Variants in IL21R observed in about 807,000 individuals in gnomAD.
IL21R encodes interleukin-21 receptor.
Under a neutral mutation model 41.3 loss-of-function variants are expected in IL21R, and 14 were observed. The ratio of observed to expected loss-of-function variants is 0.34; its 90% CI spans 0.22 to 0.53. The LOEUF (loss-of-function observed/expected upper bound fraction) is 0.53, where lower values mean the gene tolerates loss of function less well. IL21R is among the 20% of genes least tolerant of loss of function. The pLI is 0.94. For synonymous variants in IL21R, 286 were observed against 287.6 expected (o/e 0.99, Z 0.05); for missense variants, 588 against 681.6 (o/e 0.86, Z 1.53).
rs2087446515 is a variant in IL21R at position 27,444,651 on chromosome 16, C to A, written c.617C>A (p.Pro206His). ...CTGCAGGTGCGGGCAGGGCCCATGC[C>A]TGGCTCCTCCTACCAGGGGACCTGG... ...YELQVRAGPM[P>H]GSSYQGTWSE... The change falls in exon 6 of 9, where the codon CCT becomes CAT. Residue 206 changes from proline (P) to histidine (H), a missense_variant. Transcript: ENST00000337929. 1 of 1,582,120 alleles carries A rather than the reference C, an allele frequency of 6.3e-7. No individual in the cohort carries two copies.
At position 27,429,952 on chromosome 16, in the gene IL21R, T is replaced by G. The variant is rs993439140; in HGVS notation, c.-16-104T>G. ...GATCTTGCATTTTTCTTAAGACAGT[T>G]CCAAGAATCAGGGGCAAGTCTGCCT... is the stretch of plus-strand genomic sequence containing the variant. On this transcript the variant is annotated intron_variant, in intron 1 of 8. Transcript: ENST00000337929. 3.1e-6 allele frequency: 3 copies of G among 958,522 alleles called. No homozygotes were observed. The African/African-American group carries it at 4.9e-5, about 16-fold the overall frequency. 59.4% of individuals were successfully genotyped at this position (958,522 alleles called of 1,614,324 possible).
At chr16:27,434,147 G>A (rs1236442412) in intron 2 of IL21R, among the ~76,000 whole-genome samples, 200 bp from the exon 3 acceptor site, 1 of 149,468 alleles carries the variant, frequency 6.7e-6, no homozygotes, top group Non-Finnish European at 1.5e-5. Flanking sequence ...TTGAAACATT[G>A]GTGCTCAAAC....
intron 1 of IL21R, among the ~76,000 whole-genome samples, chr16:27,406,606 C>T (rs61307071): frequency 0.048 from 7,287 of 152,000 alleles, 319 homozygotes; most frequent in African/African-American, 0.11. Flanking sequence ...CTCTCACCTT[C>T]GTCTTCTACT....
chr16:27,424,534 T>C (rs960343806), intron 1 of IL21R, among the ~76,000 whole-genome samples: 4 of 151,922 alleles, frequency 2.6e-5, no homozygotes, highest in Non-Finnish European at 5.9e-5. Context: ...GGTGGATAAA[T>C]GCACCTACAG....
Position 27,450,572 on chromosome 16 carries a change from TTTTC to T in IL21R, c.*1293_*1296del, listed in dbSNP as rs2087575352. On this transcript the variant is annotated 3_prime_UTR_variant, in exon 9 of 9. Transcript: ENST00000337929. ...GCTAAGAAAATATTTCTTAGCAACA[TTTTC>T]TTTTTCTTTTTTTTTTTTTTCTTTT... 1 of 216,608 alleles carries T rather than the reference TTTTC, an allele frequency of 4.6e-6. No individual in the cohort carries two copies. Among genetic ancestry groups the T allele is most frequent in the Non-Finnish European group, 9.1e-6 (1 of 109,550 alleles). The allele number at this position is 216,608 out of a possible 1,614,324, so 13.4% of individuals were successfully genotyped here.
chr16:27,417,956 T>A (rs1876194585), intron 1 of IL21R, among the ~76,000 whole-genome samples: 1 of 152,116 alleles, frequency 6.6e-6, no homozygotes, highest in Non-Finnish European at 1.5e-5. Flanking sequence ...TAAATTTATT[T>A]GAATTTTTAA....
chr16:27,415,108 T>C (rs2086878337), intron 1 of IL21R, among the ~76,000 whole-genome samples: 1 of 152,196 alleles, frequency 6.6e-6, no homozygotes, highest in Admixed American at 6.5e-5. Flanking sequence ...AAAAAATTCA[T>C]CTTGTTCATG....
Position 27,442,891 on chromosome 16 carries a change from C to T in IL21R, c.353-71C>T, listed in dbSNP as rs140394046. Reference sequence around the variant, plus strand: ...GGGGTGGGGGCAGGCAGGACTTCCTCCCATCACCAAATCCTTTTCACCTGC... The same window carrying T: ...GGGGTGGGGGCAGGCAGGACTTCCTTCCATCACCAAATCCTTTTCACCTGC... On this transcript the variant is annotated intron_variant, in intron 4 of 8. Coordinates refer to ENST00000337929, the MANE Select transcript of IL21R (RefSeq NM_181078.3). 207 of 1,414,762 alleles carry T rather than the reference C, an allele frequency of 1.5e-4. No homozygotes were observed. In the Middle Eastern group the frequency reaches 2.7e-3, roughly 19 times the overall value. The allele number at this position is 1,414,762 out of a possible 1,614,324, so 87.6% of individuals were successfully genotyped here.
At chr16:27,426,357 A>T (rs1317536183) in intron 1 of IL21R, among the ~76,000 whole-genome samples, 2 of 152,250 alleles carry the variant, frequency 1.3e-5, no homozygotes, top group African/African-American at 4.8e-5. Context: ...GAGGCAAGGT[A>T]AAGATCAATA....
chr16:27,438,973 G>T lies in IL21R; in HGVS notation c.352+1286G>T, dbSNP rs974610449. ...GTGTGTGTATGTGTGTACCCAAAGC[G>T]GCCCCAGAGGCAAACACAGGCTGCA... is the stretch of plus-strand genomic sequence containing the variant. On this transcript the variant is annotated intron_variant, in intron 4 of 8. Transcript: ENST00000337929. Among the ~76,000 whole-genome samples, 81 of 151,990 alleles carry T rather than the reference G, an allele frequency of 5.3e-4. 1 individual carries two copies. Among genetic ancestry groups the T allele is most frequent in the African/African-American group, 1.9e-3 (80 of 41,424 alleles).
intron 4 of IL21R, among the ~76,000 whole-genome samples, chr16:27,440,244 T>TAGAGAG (rs1443830356): frequency 2.2e-3 from 184 of 82,540 alleles, no homozygotes; most frequent in African/African-American, 8.0e-3. Context: ...TATATATATA[T>TAGAGAG]ATATAGAGAG....
intron 4 of IL21R, among the ~76,000 whole-genome samples, chr16:27,440,936 AGCTACTTGG>A (rs2087377101): frequency 6.6e-6 from 1 of 151,452 alleles, no homozygotes; most frequent in Admixed American, 6.6e-5. Flanking sequence ...CTATGGTCCC[AGCTACTTGG>A]GAGGCTGAGG....
chr16:27,419,661 CAA>C (rs1396277234), intron 1 of IL21R, among the ~76,000 whole-genome samples: 9 of 152,146 alleles, frequency 5.9e-5, no homozygotes, highest in Non-Finnish European at 1.3e-4. Flanking sequence ...CTCCTGACCT[CAA>C]GTGATCTGCC....
chr16:27,445,053 A>G lies in IL21R; in HGVS notation c.686-124A>G, dbSNP rs2087454345. The G allele has an allele frequency of 4.3e-6, 3 of 692,462 alleles. No homozygotes were observed. The Admixed American group carries it at 7.0e-5, about 16-fold the overall frequency. The allele number at this position is 692,462 out of a possible 1,614,324, so 42.9% of individuals were successfully genotyped here. ...ACCCAGATCCATCTCACTTCAAGAC[A>G]CTAGCAGTAACAGCCTCTCCTACCC... On this transcript the variant is annotated intron_variant, in intron 6 of 8. Transcript: ENST00000337929.
chr16:27,435,402 A>G (rs2087250856), intron 3 of IL21R, among the ~76,000 whole-genome samples: 1 of 152,182 alleles, frequency 6.6e-6, no homozygotes, highest in South Asian at 2.1e-4. Flanking sequence ...GGGGAGACAG[A>G]CACACAAAAC....
chr16:27,426,028 C>T (rs1311850019), intron 1 of IL21R, among the ~76,000 whole-genome samples: 1 of 152,192 alleles, frequency 6.6e-6, no homozygotes, highest in Non-Finnish European at 1.5e-5. Flanking sequence ...TTAAGTAACA[C>T]TTATATAATA....
Position 27,451,573 on chromosome 16 carries a change from G to A in IL21R, c.*2290G>A, listed in dbSNP as rs1035928065. On this transcript the variant is annotated 3_prime_UTR_variant, in exon 9 of 9. Transcript: ENST00000337929. ...AAATTATTATTTTTTAAAAAAATTA[G>A]CCAGGTGTGGTGGTGCTTGCCTATA... is the stretch of plus-strand genomic sequence containing the variant. 2 of 210,708 alleles carry A rather than the reference G, an allele frequency of 9.5e-6. No homozygotes were observed. The highest frequency in any genetic ancestry group is 4.5e-5 in the African/African-American group (2 of 43,994). 13.1% of individuals were successfully genotyped at this position (210,708 alleles called of 1,614,324 possible).
chr16:27,417,163 C>CT (rs577149386), intron 1 of IL21R, among the ~76,000 whole-genome samples: 68,857 of 126,332 alleles, frequency 0.55, 19,415 homozygotes, highest in East Asian at 0.79. Flanking sequence ...TTTTTCTTTT[C>CT]TTTTTTTTTT....
chr16:27,436,295 G>A (rs2087269044), intron 3 of IL21R, among the ~76,000 whole-genome samples: 1 of 152,244 alleles, frequency 6.6e-6, no homozygotes, highest in South Asian at 2.1e-4. Flanking sequence ...TCAGGTAAAG[G>A]GACCACAACT....
Sources: allele counts gnomAD v4.1 joint callset (sites outside exome capture counted in the v4.1 genomes callset), GRCh38; gene constraint gnomAD v4.1.1; transcripts MANE v1.5; gene names NCBI Gene and HGNC (gene_info 2026-07-23, HGNC 2026-07-21).